RTL4: variants seen among roughly 807,000 people sequenced by gnomAD.
The protein encoded by RTL4 is retrotransposon Gag-like protein 4.
Under a neutral mutation model 5.3 loss-of-function variants are expected in RTL4, and 4 were observed. That is an observed-to-expected ratio of 0.75 (90% confidence interval 0.37 to 1.72). The LOEUF (loss-of-function observed/expected upper bound fraction) is 1.72. Ranked by LOEUF, RTL4 falls within the 40% of genes most tolerant of loss-of-function variation. RTL4 has a pLI of 0.04. For synonymous variants in RTL4, 98 were observed against 87.3 expected (o/e 1.12, Z -0.68); for missense variants, 260 against 227.1 (o/e 1.14, Z -0.93).
the RTL4 span, among the ~76,000 whole-genome samples, chrX:112,157,364 C>T: frequency 1.8e-5 from 2 of 110,720 alleles, no homozygotes; most frequent in Non-Finnish European, 3.8e-5. Context: ...AGTTCTAGCT[C>T]CGATGTTTTG....
chrX:112,305,179 C>CT, the RTL4 span, among the ~76,000 whole-genome samples: 1,755 of 98,511 alleles, frequency 0.018, 46 homozygotes, highest in African/African-American at 0.059. Flanking sequence ...TTTTTTTTGT[C>CT]TTTTTTTTTT....
the RTL4 span, among the ~76,000 whole-genome samples, chrX:112,246,740 G>C: frequency 9.0e-6 from 1 of 111,337 alleles, no homozygotes; most frequent in African/African-American, 3.3e-5. Flanking sequence ...TGTCCAACCA[G>C]TCCCAATGAG....
the RTL4 span, among the ~76,000 whole-genome samples, chrX:112,121,301 A>T: frequency 2.7e-5 from 3 of 112,112 alleles, no homozygotes; most frequent in African/African-American, 9.7e-5. Context: ...TGAAAAATTT[A>T]GGAATGAATA....
the RTL4 span, among the ~76,000 whole-genome samples, chrX:112,185,402 TACAC>T: frequency 1.0e-5 from 1 of 97,889 alleles, no homozygotes; most frequent in Non-Finnish European, 2.0e-5. Context: ...TATATATATA[TACAC>T]ACACACACAT....
At chrX:112,351,083 T>A in the RTL4 span, among the ~76,000 whole-genome samples, 5 of 111,522 alleles carry the variant, frequency 4.5e-5, no homozygotes, top group African/African-American at 1.6e-4. Context: ...TTCTTGTTGG[T>A]TTCAAAGAAC....
chrX:112,454,326 C>T (rs1166837850), upstream of RTL4, among the ~76,000 whole-genome samples: 2 of 112,238 alleles, frequency 1.8e-5, no homozygotes, highest in East Asian at 5.6e-4. Context: ...TGTGGCCCAC[C>T]AGCCACAGGT....
the RTL4 span, among the ~76,000 whole-genome samples, chrX:112,097,382 C>T: frequency 1.8e-5 from 2 of 111,203 alleles, no homozygotes; most frequent in Non-Finnish European, 3.8e-5. Context: ...AAGCCTGTAA[C>T]CTGAGCACTT....
chrX:112,324,585 C>T, the RTL4 span, among the ~76,000 whole-genome samples: 1 of 110,910 alleles, frequency 9.0e-6, no homozygotes, highest in African/African-American at 3.3e-5. Flanking sequence ...AAAATATAAG[C>T]CTTAATAGCT....
chrX:112,230,728 G>A, the RTL4 span, among the ~76,000 whole-genome samples: 19 of 111,943 alleles, frequency 1.7e-4, no homozygotes, highest in African/African-American at 6.2e-4. Flanking sequence ...TTGACAAATG[G>A]GATCTAATTA....
At chrX:112,381,411 A>G in the RTL4 span, 1 of 1,209,513 alleles carries the variant, frequency 8.3e-7, no homozygotes, top group African/African-American at 1.7e-5. Flanking sequence ...CTGAACAAGC[A>G]TATAAAACAA....
chrX:112,286,701 G>A, the RTL4 span, among the ~76,000 whole-genome samples: 1 of 111,589 alleles, frequency 9.0e-6, no homozygotes. Flanking sequence ...AGTCATTCTT[G>A]ACTCTTTTTT....
the RTL4 span, among the ~76,000 whole-genome samples, chrX:112,301,598 A>T: frequency 2.7e-5 from 3 of 110,532 alleles, no homozygotes; most frequent in African/African-American, 9.9e-5. Flanking sequence ...GAAACTGTAG[A>T]TTAGAGAACC....
chrX:112,434,440 C>G, the RTL4 span, among the ~76,000 whole-genome samples: 8 of 111,753 alleles, frequency 7.2e-5, no homozygotes, highest in African/African-American at 2.6e-4. Context: ...AGAGATTCAA[C>G]TTCTTCCTGG....
At chrX:112,179,379 A>T in the RTL4 span, among the ~76,000 whole-genome samples, 1 of 111,716 alleles carries the variant, frequency 9.0e-6, no homozygotes, top group Non-Finnish European at 1.9e-5. Flanking sequence ...CAAATGAAAA[A>T]AAAACCAAGT....
the RTL4 span, among the ~76,000 whole-genome samples, chrX:112,364,333 A>T: frequency 3.2e-4 from 36 of 111,557 alleles, no homozygotes; most frequent in Middle Eastern, 9.2e-3. Context: ...CCATTCATAA[A>T]CATGAAGTCT....
the RTL4 span, among the ~76,000 whole-genome samples, chrX:112,102,953 A>G: frequency 8.9e-6 from 1 of 112,227 alleles, no homozygotes; most frequent in Non-Finnish European, 1.9e-5. Context: ...AAGGCTGTGG[A>G]GAAAAAAGAA....
the RTL4 span, among the ~76,000 whole-genome samples, chrX:112,289,524 A>G: frequency 2.7e-5 from 3 of 112,113 alleles, no homozygotes; most frequent in African/African-American, 9.7e-5. Flanking sequence ...TCCTGCATAG[A>G]CCATTTTGTT....
At chrX:112,294,993 T>A in the RTL4 span, among the ~76,000 whole-genome samples, 1 of 112,495 alleles carries the variant, frequency 8.9e-6, no homozygotes, top group Non-Finnish European at 1.9e-5. Flanking sequence ...CAAATATTGC[T>A]ACAAATGCAT....
chrX:112,231,050 T>C, the RTL4 span, among the ~76,000 whole-genome samples: 1,873 of 109,338 alleles, frequency 0.017, 140 homozygotes, highest in Admixed American at 0.16. Context: ...GTTAGAATGG[T>C]GATCATTAAA....
Sources: gnomAD v4.1 joint callset for allele counts (sites outside exome capture counted in the v4.1 genomes callset) on GRCh38, gnomAD v4.1.1 for gene constraint, MANE v1.5 for transcripts, NCBI Gene and HGNC (gene_info 2026-07-23, HGNC 2026-07-21) for gene names.